DIAPH2: variants seen among roughly 807,000 people sequenced by gnomAD.
The protein encoded by DIAPH2 is protein diaphanous homolog 2.
Under a neutral mutation model 92.7 loss-of-function variants are expected in DIAPH2, and 35 were observed. That is an observed-to-expected ratio of 0.38 (90% CI 0.29 to 0.50). The LOEUF is 0.50. Among genes scored for constraint, DIAPH2 ranks in the 20% least tolerant of loss-of-function variants. The pLI is 0.94. For missense variants in DIAPH2, 701 were observed against 819.5 expected (o/e 0.86, Z 1.77); for synonymous variants, 301 against 280.4 (o/e 1.07, Z -0.73).
intron 5 of DIAPH2, among the ~76,000 whole-genome samples, chrX:96,902,908 G>C (rs2065407787): frequency 9.0e-6 from 1 of 111,560 alleles, no homozygotes; most frequent in South Asian, 3.7e-4. Context: ...GAGGACCCAA[G>C]AAAATGATTT....
At chrX:97,257,463 T>C (rs375726549) in intron 23 of DIAPH2, among the ~76,000 whole-genome samples, 1 of 111,678 alleles carries the variant, frequency 9.0e-6, no homozygotes, top group East Asian at 2.8e-4. Flanking sequence ...ACAAACCCTC[T>C]TTATCGTATC....
chrX:97,545,533 A>AAAAT (rs1260118151), intron 26 of DIAPH2, among the ~76,000 whole-genome samples: 1 of 79,338 alleles, frequency 1.3e-5, no homozygotes, highest in African/African-American at 5.0e-5. Context: ...AAAAAAAAAA[A>AAAAT]ATATATATAT....
chrX:96,903,418 G>T (rs1296592959), intron 5 of DIAPH2, among the ~76,000 whole-genome samples: 2 of 111,876 alleles, frequency 1.8e-5, no homozygotes, highest in South Asian at 3.7e-4. Flanking sequence ...TGGTGTGCAT[G>T]ATAGAATTTT....
At chrX:97,282,296 T>C (rs1439118188) in intron 23 of DIAPH2, among the ~76,000 whole-genome samples, 1 of 111,132 alleles carries the variant, frequency 9.0e-6, no homozygotes, top group Non-Finnish European at 1.9e-5. Context: ...TTGTTTTGCG[T>C]TGTTTTGTTT....
Position 96,810,456 on chromosome X carries a change from C to G in DIAPH2, c.447+52198C>G, listed in dbSNP as rs143894708. ...TGGGTAGATTACAAAAATTTTCTCC[C>G]ATCCTGTAGGTTGCCTGTTCACTCT... is the stretch of plus-strand genomic sequence containing the variant. On this transcript the variant is annotated intron_variant, in intron 4 of 26. Coordinates refer to ENST00000324765, the MANE Select transcript of DIAPH2 (RefSeq NM_006729.5). 1.4e-3 allele frequency among the ~76,000 whole-genome samples: 153 copies of G among 111,613 alleles called. 1 individual carries two copies. Among genetic ancestry groups the G allele is most frequent in the African/African-American group, 4.8e-3 (149 of 30,751 alleles).
At chrX:97,040,705 A>G (rs1006637052) in intron 17 of DIAPH2, among the ~76,000 whole-genome samples, 2 of 109,753 alleles carry the variant, frequency 1.8e-5, no homozygotes, top group African/African-American at 6.6e-5. Context: ...CTTTATTTTT[A>G]TTTTTACTAT....
At chrX:96,811,198 C>T (rs1403522525) in intron 4 of DIAPH2, among the ~76,000 whole-genome samples, 6 of 111,294 alleles carry the variant, frequency 5.4e-5, no homozygotes, top group East Asian at 2.8e-4. Flanking sequence ...TTTCATTGAG[C>T]GGTGGTTGGA....
chrX:96,689,375 C>A (rs949309783), intron 1 of DIAPH2, among the ~76,000 whole-genome samples: 1 of 106,282 alleles, frequency 9.4e-6, no homozygotes, highest in Non-Finnish European at 1.9e-5. Context: ...AAAAAAAGTA[C>A]TTTGGAGAAT....
chrX:97,306,254 TG>T (rs2068746228), intron 23 of DIAPH2, among the ~76,000 whole-genome samples: 1 of 111,069 alleles, frequency 9.0e-6, no homozygotes, highest in Non-Finnish European at 1.9e-5. Context: ...ACGTTGTAGA[TG>T]GTGAGGGCAG....
chrX:97,386,408 G>A (rs1021451980), intron 25 of DIAPH2, among the ~76,000 whole-genome samples: 11 of 111,929 alleles, frequency 9.8e-5, no homozygotes, highest in Non-Finnish European at 2.1e-4. Flanking sequence ...GGTGGCTCAC[G>A]CCTGTAATCC....
At chrX:96,813,912 T>G (rs2064708163) in intron 4 of DIAPH2, among the ~76,000 whole-genome samples, 1 of 112,101 alleles carries the variant, frequency 8.9e-6, no homozygotes, top group African/African-American at 3.2e-5. Context: ...CTGATGGGCT[T>G]CCCTTTGTGG....
At chrX:96,721,715 G>A (rs2063989475) in intron 1 of DIAPH2, among the ~76,000 whole-genome samples, 1 of 111,840 alleles carries the variant, frequency 8.9e-6, no homozygotes, top group Non-Finnish European at 1.9e-5. Context: ...ATAGTACTCT[G>A]TTTGCTGTTT....
intron 4 of DIAPH2, among the ~76,000 whole-genome samples, chrX:96,809,658 A>G (rs2064659813): frequency 9.0e-6 from 1 of 110,536 alleles, no homozygotes; most frequent in Non-Finnish European, 1.9e-5. Flanking sequence ...CTAATGCTAT[A>G]GCTCCCCCTG....
At chrX:96,686,887 TTAA>T (rs1359664261) in intron 1 of DIAPH2, among the ~76,000 whole-genome samples, 2 of 111,852 alleles carry the variant, frequency 1.8e-5, no homozygotes, top group African/African-American at 6.5e-5. Flanking sequence ...GAGTATTATG[TTAA>T]TAATCTCTGA....
chrX:96,774,945 C>CTG (rs949778953), intron 4 of DIAPH2, among the ~76,000 whole-genome samples: 1 of 112,288 alleles, frequency 8.9e-6, no homozygotes, highest in Non-Finnish European at 1.9e-5. Context: ...TGACACTGAA[C>CTG]TGTGTATAAA....
At chrX:97,105,988 A>T (rs1160952134) in intron 20 of DIAPH2, among the ~76,000 whole-genome samples, 1 of 111,201 alleles carries the variant, frequency 9.0e-6, no homozygotes, top group Non-Finnish European at 1.9e-5. Context: ...GTGCTTTTTA[A>T]TTTTTTTAAA....
intron 24 of DIAPH2, among the ~76,000 whole-genome samples, chrX:97,354,588 G>A (rs1381481145): frequency 9.0e-6 from 1 of 111,616 alleles, no homozygotes; most frequent in East Asian, 2.8e-4. Flanking sequence ...TGGCCAGGCT[G>A]GTCTCAAACT....
At chrX:96,888,575 ATATATC>A (rs1237048339) in intron 5 of DIAPH2, among the ~76,000 whole-genome samples, 1 of 96,729 alleles carries the variant, frequency 1.0e-5, no homozygotes, top group Non-Finnish European at 2.0e-5. Flanking sequence ...ACACAGATAT[ATATATC>A]TATATATATA....
chrX:96,877,031 G>A (rs2065185226), intron 4 of DIAPH2, among the ~76,000 whole-genome samples: 1 of 111,001 alleles, frequency 9.0e-6, no homozygotes, highest in Admixed American at 9.6e-5. Context: ...TACTCTCCCA[G>A]TAAGAGATGG....
Sources: gnomAD v4.1 joint callset for allele counts (sites outside exome capture counted in the v4.1 genomes callset) on GRCh38, gnomAD v4.1.1 for gene constraint, MANE v1.5 for transcripts, NCBI Gene and HGNC (gene_info 2026-07-23, HGNC 2026-07-21) for gene names.